Variants in NSF observed in about 807,000 individuals in gnomAD.
The protein encoded by NSF is N-ethylmaleimide sensitive factor, vesicle fusing ATPase.
NSF carries 14 observed loss-of-function variants against 50.3 expected under a neutral mutation model. The observed-to-expected ratio is 0.28, with a 90% CI of 0.18 to 0.44. The LOEUF (loss-of-function observed/expected upper bound fraction) is 0.44. Ranked by LOEUF, NSF falls within the 20% of genes least tolerant of loss-of-function variation. The pLI, the probability that NSF is intolerant of heterozygous loss-of-function variation, is 1.00. For missense variants in NSF, 218 were observed against 504.3 expected, an observed-to-expected ratio of 0.43 and a Z score of 5.44; for synonymous variants, 109 against 175.7, an observed-to-expected ratio of 0.62 and a Z score of 3.00.
chr17:46,740,387 TAAAC>T (rs1258414183), intron 17 of NSF, among the ~76,000 whole-genome samples: 2 of 152,106 alleles, frequency 1.3e-5, no homozygotes, highest in Non-Finnish European at 2.9e-5. Flanking sequence ...AGCATTTTAA[TAAAC>T]AAATGCTATG....
chr17:46,657,070 T>TA (rs1394273838), intron 8 of NSF, among the ~76,000 whole-genome samples: 1 of 39,256 alleles, frequency 2.5e-5, no homozygotes, highest in African/African-American at 9.4e-5. Context: ...TGTAGAATGA[T>TA]AATGCTGTGG....
At chr17:46,749,447 G>A (rs2059161519) in intron 17 of NSF, among the ~76,000 whole-genome samples, 1 of 152,010 alleles carries the variant, frequency 6.6e-6, no homozygotes, top group African/African-American at 2.4e-5. Context: ...CACCATACAT[G>A]TGCCATGTTG....
At chr17:46,722,367 G>A (rs1471039734) in intron 15 of NSF, among the ~76,000 whole-genome samples, 2 of 152,178 alleles carry the variant, frequency 1.3e-5, no homozygotes, top group Admixed American at 6.5e-5. Context: ...AGCACTGTGT[G>A]ACCTGCTGTG....
At chr17:46,732,822 G>A (rs1317394662) in intron 17 of NSF, among the ~76,000 whole-genome samples, 1 of 152,122 alleles carries the variant, frequency 6.6e-6, no homozygotes, top group Non-Finnish European at 1.5e-5. Flanking sequence ...AATTGAAAAG[G>A]GCTGTCCCAG....
intron 9 of NSF, among the ~76,000 whole-genome samples, chr17:46,691,882 A>G (rs997981281): frequency 6.0e-5 from 9 of 151,024 alleles, no homozygotes; most frequent in African/African-American, 2.2e-4. Context: ...CCTCCAGAGT[A>G]GCTGGGATTA....
intron 13 of NSF, among the ~76,000 whole-genome samples, chr17:46,708,877 T>C (rs1598700762): frequency 7.1e-6 from 1 of 141,754 alleles, no homozygotes; most frequent in Admixed American, 7.5e-5. Context: ...CAGGCTGGAG[T>C]GCAGTGGCGC....
In NSF at chr17:46,661,378, T is replaced by TTTATTATTATTATTA. The variant is rs892367324; in HGVS notation, c.746-13018_746-13004dup. Among the ~76,000 whole-genome samples, 333 of 106,468 alleles carry TTTATTATTATTATTA rather than the reference T, an allele frequency of 3.1e-3. 2 individuals carry two copies. The highest frequency in any genetic ancestry group is 0.014 in the African/African-American group (314 of 22,722). The allele number at this position is 106,468 out of a possible 152,430, so 69.8% of individuals were successfully genotyped here. A position where few individuals can be genotyped will look rare whatever the true frequency, so the allele number is the denominator to read the frequency against. On this transcript the variant is annotated intron_variant, in intron 8 of 20. Transcript: ENST00000398238. ...TATTTGAATCTCTTCTACATTTCTT[T>TTTATTATTATTATTA]TTATTATTATTATTATTATTATTAT...
In NSF at chr17:46,756,667, C is replaced by G. The variant is rs1393905339; in HGVS notation, c.*844C>G. 6.6e-6 allele frequency: 1 copy of G among 152,618 alleles called. No individual in the cohort carries two copies. Among genetic ancestry groups the G allele is most frequent in the Non-Finnish European group, 1.5e-5 (1 of 68,040 alleles). The allele number at this position is 152,618 out of a possible 1,614,324, so 9.5% of individuals were successfully genotyped here. ...TGTCCAACTCCAAGTGGGTCAATTC[C>G]TTAGTATAATATTAAGGCTTACTAG... On this transcript the variant is annotated 3_prime_UTR_variant, in exon 21 of 21. Transcript: ENST00000398238.
intron 12 of NSF, among the ~76,000 whole-genome samples, chr17:46,695,380 TA>T (rs1194024582): frequency 2.4e-5 from 2 of 82,392 alleles, no homozygotes; most frequent in Non-Finnish European, 4.3e-5. Context: ...GACATAAAGA[TA>T]ATTGTGAACT....
In NSF at chr17:46,755,856, G is replaced by C. The variant is rs368768510; in HGVS notation, c.*33G>C. ...CTATTTGAAACACACAGTGACCAAG[G>C]GAAGTGACCAAGGTGAAGATGGCCT... On this transcript the variant is annotated 3_prime_UTR_variant, in exon 21 of 21. Coordinates refer to ENST00000398238, the MANE Select transcript of NSF (RefSeq NM_006178.4). 6.2e-7 allele frequency: 1 copy of C among 1,607,660 alleles called. No homozygotes were observed.
chr17:46,724,689 G>A (rs990426109), intron 15 of NSF, among the ~76,000 whole-genome samples: 9 of 152,160 alleles, frequency 5.9e-5, no homozygotes, highest in African/African-American at 2.2e-4. Context: ...TTTTGTGAAA[G>A]TAGGATTATT....
At chr17:46,752,929 G>A (rs1311012508) in intron 19 of NSF, among the ~76,000 whole-genome samples, 1 of 152,058 alleles carries the variant, frequency 6.6e-6, no homozygotes, top group Non-Finnish European at 1.5e-5. Context: ...CACCATGCCT[G>A]GCTAATTTTT....
intron 15 of NSF, among the ~76,000 whole-genome samples, chr17:46,720,324 CTT>C (rs941505814): frequency 6.6e-6 from 1 of 152,244 alleles, no homozygotes; most frequent in African/African-American, 2.4e-5. Flanking sequence ...ATTTGTATCT[CTT>C]TGGCGTAGAA....
chr17:46,744,996 A>T lies in NSF; in HGVS notation c.1909-4777A>T, dbSNP rs1441640725. ...GGACTAGCAAATCTCAGTAAAGAGT[A>T]TGCTGGGAGCAATTTCTTTTTTCCC... On this transcript the variant is annotated intron_variant, in intron 17 of 20. Coordinates refer to ENST00000398238, the MANE Select transcript of NSF (RefSeq NM_006178.4). 2.6e-5 allele frequency among the ~76,000 whole-genome samples: 4 copies of T among 152,294 alleles called. No individual in the cohort carries two copies. In the East Asian group the frequency reaches 7.7e-4, roughly 29 times the overall value.
Position 46,730,752 on chromosome 17 carries a change from A to G in NSF, c.1908+1818A>G, listed in dbSNP as rs368886624. On this transcript the variant is annotated intron_variant, in intron 17 of 20. Coordinates refer to ENST00000398238, the MANE Select transcript of NSF (RefSeq NM_006178.4). ...TTATATTTAGACAGGATATGATAAGAGTGAAAACATTCAAAAATAAGTAAA... is the reference window on the plus strand; with the variant it reads ...TTATATTTAGACAGGATATGATAAGGGTGAAAACATTCAAAAATAAGTAAA... Among the ~76,000 whole-genome samples the G allele has an allele frequency of 1.1e-4, 16 of 152,184 alleles. No individual in the cohort carries two copies. In the East Asian group the frequency reaches 1.2e-3, roughly 11 times the overall value.
At chr17:46,621,946 CT>C (rs1189113293) in intron 1 of NSF, among the ~76,000 whole-genome samples, 1 of 140,818 alleles carries the variant, frequency 7.1e-6, no homozygotes, top group South Asian at 2.2e-4. Context: ...TGGTCCTTGG[CT>C]TTTTTTAGGG....
chr17:46,749,668 C>T (rs367831694), intron 17 of NSF, 105 bp from the exon 18 acceptor site: 18 of 1,087,196 alleles, frequency 1.7e-5, no homozygotes, highest in Admixed American at 5.1e-5. Flanking sequence ...TCATTTGCAT[C>T]GGCAAGATTA....
intron 17 of NSF, among the ~76,000 whole-genome samples, chr17:46,731,620 G>A (rs1052905024): frequency 2.0e-5 from 3 of 152,092 alleles, no homozygotes; most frequent in African/African-American, 7.2e-5. Flanking sequence ...GGGAGAAAGA[G>A]GAATTGGATC....
intron 13 of NSF, among the ~76,000 whole-genome samples, chr17:46,710,599 T>C (rs894779397): frequency 6.6e-6 from 1 of 152,238 alleles, no homozygotes; most frequent in Non-Finnish European, 1.5e-5. Context: ...GCGCTGTTTC[T>C]AAGTCCATAA....
Sources: gnomAD v4.1 joint callset for allele counts (sites outside exome capture counted in the v4.1 genomes callset) on GRCh38, gnomAD v4.1.1 for gene constraint, MANE v1.5 for transcripts, NCBI Gene and HGNC (gene_info 2026-07-23, HGNC 2026-07-21) for gene names.